Variants in PCDHA2 observed in about 807,000 individuals in gnomAD.
PCDHA2 encodes protocadherin alpha 2.
A neutral mutation model predicts 66.0 loss-of-function variants in PCDHA2; 58 were observed. The observed-to-expected ratio is 0.88, with a 90% confidence interval of 0.71 to 1.09. The LOEUF is 1.09. Among genes scored for constraint, PCDHA2 ranks in the 50% least tolerant of loss-of-function variants. The pLI, the probability that PCDHA2 is intolerant of heterozygous loss-of-function variation, is 0.00. For missense variants in PCDHA2, 1,267 were observed against 1,242.3 expected, an observed-to-expected ratio of 1.02 and a Z score of -0.30; for synonymous variants, 634 against 554.0, an observed-to-expected ratio of 1.14 and a Z score of -2.03.
rs1554122535 is a variant in PCDHA2 at position 140,803,036 on chromosome 5, T to A, written c.2388+5684T>A. ...CGTGGCTTTCGTATGAGCTGCAGCC[T>A]GGGACCGGCGGTGCGCGCATCCCGT... On this transcript the variant is annotated intron_variant, in intron 1 of 3. Transcript: ENST00000526136. 2.5e-6 allele frequency: 4 copies of A among 1,614,018 alleles called. No homozygotes were observed. In the Admixed American group the frequency reaches 6.7e-5, roughly 27 times the overall value.
chr5:140,828,223 C>T (rs2150152540), intron 1 of PCDHA2: 1 of 1,613,996 alleles, frequency 6.2e-7, no homozygotes, highest in Non-Finnish European at 8.5e-7. Flanking sequence ...ACGGCACCTT[C>T]GTGGGCCGGA....
Position 140,982,581 on chromosome 5 carries a change from C to T in PCDHA2, c.2536+18C>T, listed in dbSNP as rs782060139. On this transcript the variant is annotated intron_variant, in intron 3 of 3. Transcript: ENST00000526136. ...AACACCAGGTAAAGAGCTGGGGTCT[C>T]TCCATTCTTTCTTGGTTTCTGGAAA... 9 of 1,612,098 alleles carry T rather than the reference C, an allele frequency of 5.6e-6. No individual in the cohort carries two copies. The highest frequency in any genetic ancestry group is 4.0e-5 in the African/African-American group (3 of 74,892).
At chr5:140,993,151 TC>T (rs2097543126) in intron 3 of PCDHA2, among the ~76,000 whole-genome samples, 1 of 152,246 alleles carries the variant, frequency 6.6e-6, no homozygotes, top group Admixed American at 6.5e-5. Flanking sequence ...ATAAATGGAT[TC>T]TAAATATTTG....
intron 3 of PCDHA2, among the ~76,000 whole-genome samples, chr5:140,993,449 CCTT>C (rs1214858534): frequency 1.4e-5 from 2 of 144,318 alleles, no homozygotes; most frequent in Non-Finnish European, 1.5e-5. Flanking sequence ...TTCCTGTTCT[CCTT>C]CTTTCTTTCT....
intron 1 of PCDHA2, chr5:140,822,282 C>T: frequency 1.2e-6 from 2 of 1,614,222 alleles, no homozygotes; most frequent in Admixed American, 1.7e-5. Context: ...AATTGAGATA[C>T]AGGTTAAATC....
At chr5:140,828,252 T>A in intron 1 of PCDHA2, 1 of 1,613,980 alleles carries the variant, frequency 6.2e-7, no homozygotes, top group Non-Finnish European at 8.5e-7. Context: ...GACCTGGGGC[T>A]GGAGCTGGCG....
At chr5:140,854,020 G>A (rs1303462522) in intron 1 of PCDHA2, 3 of 327,902 alleles carry the variant, frequency 9.1e-6, no homozygotes, top group East Asian at 1.7e-4. Context: ...AAATTAGCCG[G>A]GCATGGTGGC....
intron 1 of PCDHA2, chr5:140,851,710 G>T: frequency 2.1e-6 from 2 of 958,600 alleles, no homozygotes; most frequent in Middle Eastern, 5.5e-4. Flanking sequence ...GCCATGTGAA[G>T]ATTCGAAACT....
rs202116317 is a variant in PCDHA2, at chr5:140,796,400, C to A, written c.1436C>A (p.Ala479Glu). ...PPGCHIFTVS[A>E]WDADAQENAL... ...GGCTGCCACATCTTCACGGTGTCAG[C>A]GTGGGATGCGGACGCGCAGGAGAAC... The change falls in exon 1 of 4, where the codon GCG becomes GAG. Residue 479 changes from alanine (A) to glutamate (E), a missense_variant. Physicochemically the swap from Ala to Glu is moderately radical, Grantham distance 107 (BLOSUM62 -1). Transcript: ENST00000526136. The A allele has an allele frequency of 3.1e-6, 5 of 1,613,752 alleles. No individual in the cohort carries two copies. Among genetic ancestry groups the A allele is most frequent in the Non-Finnish European group, 3.4e-6 (4 of 1,179,958 alleles).
At chr5:140,848,969 C>T in intron 1 of PCDHA2, 2 of 1,604,404 alleles carry the variant, frequency 1.2e-6, no homozygotes, top group Non-Finnish European at 8.5e-7. Context: ...AGGGCGCGTC[C>T]GATGCAGATA....
intron 1 of PCDHA2, among the ~76,000 whole-genome samples, chr5:140,845,274 T>C (rs1779779803): frequency 6.7e-6 from 1 of 149,592 alleles, no homozygotes; most frequent in South Asian, 2.1e-4. Flanking sequence ...TTTGTGAAAG[T>C]AATATTTCCT....
chr5:140,938,760 T>C (rs574872397), intron 1 of PCDHA2, among the ~76,000 whole-genome samples: 2 of 152,286 alleles, frequency 1.3e-5, no homozygotes, highest in Admixed American at 1.3e-4. Flanking sequence ...GCATAGTTAT[T>C]GGGTACTAGA....
intron 1 of PCDHA2, among the ~76,000 whole-genome samples, chr5:140,908,385 G>A (rs1318647483): frequency 6.6e-6 from 1 of 152,222 alleles, no homozygotes. Context: ...GCTCGAGCCC[G>A]ATCACATATA....
intron 1 of PCDHA2, chr5:140,868,350 A>G (rs962248912): frequency 6.6e-6 from 1 of 152,186 alleles, no homozygotes; most frequent in East Asian, 1.9e-4. Flanking sequence ...ATAATCAGAA[A>G]GCAATTAAAT....
At chr5:140,931,758 A>G (rs1374881766) in intron 1 of PCDHA2, among the ~76,000 whole-genome samples, 1 of 151,944 alleles carries the variant, frequency 6.6e-6, no homozygotes, top group African/African-American at 2.4e-5. Flanking sequence ...GGCATTTGTT[A>G]TTTACTTCTT....
intron 1 of PCDHA2, chr5:140,822,892 G>A (rs2150120154): frequency 1.2e-6 from 2 of 1,614,212 alleles, no homozygotes; most frequent in East Asian, 4.5e-5. Flanking sequence ...TCTGATCAGC[G>A]TGTCTGACCG....
intron 1 of PCDHA2, among the ~76,000 whole-genome samples, chr5:140,826,740 T>C (rs2150145244): frequency 7.9e-5 from 12 of 152,076 alleles, no homozygotes; most frequent in African/African-American, 2.7e-4. Context: ...GTCTATATTG[T>C]CAGAAAAATA....
intron 1 of PCDHA2, among the ~76,000 whole-genome samples, chr5:140,892,166 A>G (rs2063413664): frequency 6.6e-6 from 1 of 152,228 alleles, no homozygotes; most frequent in Admixed American, 6.5e-5. Flanking sequence ...TATGTCCAGT[A>G]ACTGGGATCC....
intron 1 of PCDHA2, among the ~76,000 whole-genome samples, chr5:140,891,410 A>T: frequency 7.7e-6 from 1 of 130,320 alleles, no homozygotes; most frequent in East Asian, 2.5e-4. Context: ...GCCACCCCCC[A>T]CTCTTGCCCC....
Sources: allele counts gnomAD v4.1 joint callset (sites outside exome capture counted in the v4.1 genomes callset), GRCh38; gene constraint gnomAD v4.1.1; transcripts MANE v1.5; gene names NCBI Gene and HGNC (gene_info 2026-07-23, HGNC 2026-07-21).